GNB3: variants seen among roughly 807,000 people sequenced by gnomAD.
The protein encoded by GNB3 is guanine nucleotide-binding protein G(I)/G(S)/G(T) subunit beta-3.
Under a neutral mutation model 41.2 loss-of-function variants are expected in GNB3, and 33 were observed. The observed-to-expected ratio is 0.80, with a 90% CI of 0.61 to 1.07. The LOEUF (loss-of-function observed/expected upper bound fraction) is 1.07. Ranked by LOEUF, GNB3 falls within the 50% of genes least tolerant of loss-of-function variation. The probability of loss-of-function intolerance (pLI) is 0.00; values close to 1 mark genes in which losing one functional copy is unlikely to be tolerated. For missense variants in GNB3, 409 were observed against 455.3 expected, an observed-to-expected ratio of 0.90 and a Z score of 0.92; for synonymous variants, 172 against 173.4, an observed-to-expected ratio of 0.99 and a Z score of 0.06.
chr12:6,841,526 G>A lies in GNB3; in HGVS notation c.58-60G>A, dbSNP rs1943573725. 7 of 1,425,214 alleles carry A rather than the reference G, an allele frequency of 4.9e-6. No homozygotes were observed. The Admixed American group carries it at 1.1e-4, about 22-fold the overall frequency. The allele number at this position is 1,425,214 out of a possible 1,614,324, so 88.3% of individuals were successfully genotyped here. Reference sequence around the variant, plus strand: ...GCCCCAAGACCAACCTGCCCTGAAGGCCCATGCACCTGCCACCCCCACCTC... The same window carrying A: ...GCCCCAAGACCAACCTGCCCTGAAGACCCATGCACCTGCCACCCCCACCTC... On this transcript the variant is annotated intron_variant, in intron 2 of 9. Transcript: ENST00000229264.
At position 6,844,095 on chromosome 12, in the gene GNB3, T is replaced by G. The variant is rs896233194; in HGVS notation, c.699+117T>G. The stretch of plus-strand genomic sequence containing the variant: ...CTTCCCTAGCCCTTTCTTACTGTAT[T>G]TTTTTTTTTTTTTTTTTTTTTTTTG... On this transcript the variant is annotated intron_variant, in intron 8 of 9. Coordinates refer to ENST00000229264, the MANE Select transcript of GNB3 (RefSeq NM_002075.4). The G allele has an allele frequency of 2.8e-4, 70 of 247,032 alleles. 1 individual carries two copies. Among genetic ancestry groups the G allele is most frequent in the Admixed American group, 5.8e-4 (9 of 15,480 alleles). 15.3% of individuals were successfully genotyped at this position (247,032 alleles called of 1,614,324 possible).
rs1555124486 is a variant in GNB3 at position 6,845,657 on chromosome 12, A to G, written c.771A>G (p.Ala257=). Residue 257 remains alanine (A), a synonymous_variant, in exon 9 of 10, where the codon GCA becomes GCG. Coordinates refer to ENST00000229264, the MANE Select transcript of GNB3 (RefSeq NM_002075.4). Reference sequence around the variant, plus strand: ...CCTGCCGCTTGTTTGACCTGCGGGCAGACCAGGAGCTGATCTGCTTCTCCC... The same window carrying G: ...CCTGCCGCTTGTTTGACCTGCGGGCGGACCAGGAGCTGATCTGCTTCTCCC... ...DASCRLFDLR[A]DQELICFSHE... is the part of the protein sequence containing the mutation. 3 of 1,614,034 alleles carry G rather than the reference A, an allele frequency of 1.9e-6. No homozygotes were observed. Among genetic ancestry groups the G allele is most frequent in the Non-Finnish European group, 2.5e-6 (3 of 1,180,022 alleles).
chr12:6,845,451 A>C (rs879991446), intron 8 of GNB3, 135 bp from the exon 9 acceptor site: 1 of 648,244 alleles, frequency 1.5e-6, no homozygotes. Flanking sequence ...TTCTCACCCC[A>C]AACCAAGGGA....
At chr12:6,842,110 T>C (rs1943586639) in intron 3 of GNB3, among the ~76,000 whole-genome samples, 1 of 152,252 alleles carries the variant, frequency 6.6e-6, no homozygotes, top group African/African-American at 2.4e-5. Flanking sequence ...TAGTGAACAC[T>C]TTTTATGAGC....
At chr12:6,844,052 C>T (rs1591590412) in intron 8 of GNB3, 74 bp downstream of exon 8, 3 of 945,632 alleles carry the variant, frequency 3.2e-6, no homozygotes, top group Non-Finnish European at 4.8e-6. Context: ...CAATACACAT[C>T]CTCTGCCCCT....
rs1555124495 is a variant in GNB3 at position 6,845,680 on chromosome 12, CCCA to C, written c.796_798del (p.His266del). 6.2e-7 allele frequency: 1 copy of C among 1,613,930 alleles called. No homozygotes were observed. The highest frequency in any genetic ancestry group is 8.5e-7 in the Non-Finnish European group (1 of 1,179,974). Reference sequence around the variant, plus strand: ...GCAGACCAGGAGCTGATCTGCTTCTCCCACGAGAGCATCATCTGCGGCATCACG... The same window carrying C: ...GCAGACCAGGAGCTGATCTGCTTCTCCGAGAGCATCATCTGCGGCATCACG... On this transcript the variant is annotated inframe_deletion, in exon 9 of 10. Coordinates refer to ENST00000229264, the MANE Select transcript of GNB3 (RefSeq NM_002075.4).
rs1555123957 is a variant in GNB3 at position 6,843,780 on chromosome 12, C to T, written c.501C>T (p.Ala167=). The change falls in exon 8 of 10, where the codon GCC becomes GCT. Residue 167 remains alanine, a synonymous_variant. Coordinates refer to ENST00000229264, the MANE Select transcript of GNB3 (RefSeq NM_002075.4). The surrounding 1 kb of genome is among the most constrained non-coding windows in gnomAD (Gnocchi z 5.9). ...CAGTCTCCCTCCATTTTGGCAGTGC[C>T]TTGTGGGACATTGAGACTGGGCAGC... ...IVTSSGDTTC[A]LWDIETGQQK... is the part of the protein sequence containing the mutation. 2 of 1,613,972 alleles carry T rather than the reference C, an allele frequency of 1.2e-6. No homozygotes were observed. The highest frequency in any genetic ancestry group is 2.2e-5 in the East Asian group (1 of 44,886).
rs1187778854 is a variant in GNB3, at chr12:6,843,005, G to A, written c.132G>A (p.Gln44=). 6.4e-7 allele frequency: 1 copy of A among 1,561,368 alleles called. No homozygotes were observed. Among genetic ancestry groups the A allele is most frequent in the Non-Finnish European group, 8.7e-7 (1 of 1,148,584 alleles). Reference sequence around the variant, plus strand: ...GCCTAGAGGTGGTGGGACGAGTCCAGATGCGGACGCGGCGGACGTTAAGGG... The same window carrying A: ...GCCTAGAGGTGGTGGGACGAGTCCAAATGCGGACGCGGCGGACGTTAAGGG... ...VSGLEVVGRV[Q]MRTRRTLRGH... Residue 44 remains glutamine (Q), a synonymous_variant, in exon 4 of 10, where the codon CAG becomes CAA. Coordinates refer to ENST00000229264, the MANE Select transcript of GNB3 (RefSeq NM_002075.4). This position sits in a 1 kb window ranked among gnomAD's most constrained non-coding sequence, Gnocchi z 5.9.
At chr12:6,844,093 A>ATTT (rs34871066) in intron 8 of GNB3, 115 bp downstream of exon 8, 90 of 258,076 alleles carry the variant, frequency 3.5e-4, no homozygotes, top group South Asian at 7.8e-4. Context: ...TTCTTACTGT[A>ATTT]TTTTTTTTTT....
rs1298673543 is a variant in GNB3 at position 6,841,519 on chromosome 12, C to G, written c.58-67C>G. ...CCCCAGAGCCCCAAGACCAACCTGC[C>G]CTGAAGGCCCATGCACCTGCCACCC... On this transcript the variant is annotated intron_variant, in intron 2 of 9. Transcript: ENST00000229264. 4 of 1,386,118 alleles carry G rather than the reference C, an allele frequency of 2.9e-6. No individual in the cohort carries two copies. In the African/African-American group the frequency reaches 4.3e-5, roughly 15 times the overall value. The allele number at this position is 1,386,118 out of a possible 1,614,324, so 85.9% of individuals were successfully genotyped here.
chr12:6,844,900 A>G (rs1943653629), intron 8 of GNB3: 1 of 152,232 alleles, frequency 6.6e-6, no homozygotes, highest in South Asian at 2.1e-4. Flanking sequence ...TCTGTAGCAT[A>G]ATCACTGTAT....
Position 6,845,750 on chromosome 12 carries a change from C to T in GNB3, c.864C>T (p.Gly288=), listed in dbSNP as rs895627196. ...FSLSGRLLFA[G]YDDFNCNVWD... is the part of the protein sequence containing the mutation. ...TCAGTGGCCGCCTACTATTCGCTGG[C>T]TACGACGACTTCAACTGCAATGTCT... The change falls in exon 9 of 10, where the codon GGC becomes GGT. Residue 288 remains glycine, a synonymous_variant. Transcript: ENST00000229264. 6.2e-7 allele frequency: 1 copy of T among 1,614,128 alleles called. No homozygotes were observed. Among genetic ancestry groups the T allele is most frequent in the Middle Eastern group, 1.6e-4 (1 of 6,062 alleles).
chr12:6,846,491 C>T (rs1018895378), intron 9 of GNB3: 1 of 289,356 alleles, frequency 3.5e-6, no homozygotes, highest in East Asian at 5.9e-5. Flanking sequence ...CAGCCCTCCC[C>T]CAACCAAAGC....
At chr12:6,845,422 T>C in intron 8 of GNB3, 164 bp from the exon 9 acceptor site, 1 of 611,648 alleles carries the variant, frequency 1.6e-6, no homozygotes. Context: ...TGGCACGTGG[T>C]ATGTGTTGGC....
In GNB3 at chr12:6,843,248, T is replaced by G. The variant is rs901807837; in HGVS notation, c.267+11T>G. On this transcript the variant is annotated intron_variant, in intron 5 of 9. Transcript: ENST00000229264. This position sits in a 1 kb window ranked among gnomAD's most constrained non-coding sequence, Gnocchi z 5.9. ...TACACCACCAACAAGGTACCAGCCC[T>G]GCCTCCCTGAGCCTCCACCACTGCA... 23 of 1,613,502 alleles carry G rather than the reference T, an allele frequency of 1.4e-5. No homozygotes were observed. Among genetic ancestry groups the G allele is most frequent in the Non-Finnish European group, 2.0e-5 (23 of 1,179,458 alleles).
chr12:6,847,234 C>A lies in GNB3; in HGVS notation c.*336C>A. 3.1e-6 allele frequency: 1 copy of A among 325,328 alleles called. No individual in the cohort carries two copies. Among genetic ancestry groups the A allele is most frequent in the Non-Finnish European group, 5.8e-6 (1 of 171,858 alleles). 20.2% of individuals were successfully genotyped at this position (325,328 alleles called of 1,614,324 possible). On this transcript the variant is annotated 3_prime_UTR_variant, in exon 10 of 10. Coordinates refer to ENST00000229264, the MANE Select transcript of GNB3 (RefSeq NM_002075.4). Reference sequence around the variant, plus strand: ...AGGCCCTAGGATTCCTCCCCCAGAGCCACTACCTTTGTCCAGGCCTGGGTG... The same window carrying A: ...AGGCCCTAGGATTCCTCCCCCAGAGACACTACCTTTGTCCAGGCCTGGGTG...
chr12:6,844,008 C>A (rs1555124036), intron 8 of GNB3, 30 bp downstream of exon 8: 2 of 1,525,828 alleles, frequency 1.3e-6, no homozygotes, highest in East Asian at 4.5e-5. Flanking sequence ...CAGCTTCACT[C>A]CAACTCCTTC....
rs1291102169 is a variant in GNB3, at chr12:6,843,262, T to A, written c.267+25T>A. ...GGTACCAGCCCTGCCTCCCTGAGCC[T>A]CCACCACTGCATCCTTCCTAAGGGC... is the stretch of plus-strand genomic sequence containing the variant. On this transcript the variant is annotated intron_variant, in intron 5 of 9. Coordinates refer to ENST00000229264, the MANE Select transcript of GNB3 (RefSeq NM_002075.4). The surrounding 1 kb of genome is among the most constrained non-coding windows in gnomAD (Gnocchi z 5.9). The A allele has an allele frequency of 3.1e-6, 5 of 1,611,778 alleles. No homozygotes were observed. The African/African-American group carries it at 6.7e-5, about 22-fold the overall frequency.
Position 6,841,320 on chromosome 12 carries a change from GGAGCAGCTCAA to G in GNB3, c.36_46del (p.Gln13AlafsTer11). 6.2e-7 allele frequency: 1 copy of G among 1,613,584 alleles called. No individual in the cohort carries two copies. The highest frequency in any genetic ancestry group is 8.5e-7 in the Non-Finnish European group (1 of 1,179,750). On this transcript the variant is annotated frameshift_variant, in exon 2 of 10. Transcript: ENST00000229264. LOFTEE classifies it high-confidence loss of function. ...AGATGGAGCAACTGCGTCAGGAAGC[GGAGCAGCTCAA>G]GAAGCAGATTGCAGTAACTCCAGAG...
Sources: gnomAD v4.1 joint callset for allele counts (sites outside exome capture counted in the v4.1 genomes callset) on GRCh38, gnomAD v4.1.1 for gene constraint, Gnocchi (gnomAD v3.1) non-coding constraint, MANE v1.5 for transcripts, NCBI Gene and HGNC (gene_info 2026-07-23, HGNC 2026-07-21) for gene names.